PCDHGB4: variants seen among roughly 807,000 people sequenced by gnomAD.
PCDHGB4 encodes protocadherin gamma-B4.
In PCDHGB4, 38 loss-of-function variants were observed where a neutral mutation model predicts 60.5. The ratio of observed to expected loss-of-function variants is 0.63; its 90% CI spans 0.48 to 0.82. PCDHGB4 has a LOEUF of 0.82. PCDHGB4 is among the 40% of genes least tolerant of loss of function. The probability of loss-of-function intolerance (pLI) is 0.00; values close to 1 mark genes in which losing one functional copy is unlikely to be tolerated. For synonymous variants in PCDHGB4, 456 were observed against 509.7 expected (o/e 0.89, Z 1.42); for missense variants, 1,109 against 1,209.6 (o/e 0.92, Z 1.23).
At chr5:141,408,052 C>G in intron 1 of PCDHGB4, 1 of 1,283,102 alleles carries the variant, frequency 7.8e-7, no homozygotes, top group Non-Finnish European at 1.0e-6. Flanking sequence ...CACACAGAGC[C>G]TCCCGGCTGC....
intron 1 of PCDHGB4, chr5:141,405,510 C>T: frequency 1.4e-6 from 1 of 732,922 alleles, no homozygotes; most frequent in Non-Finnish European, 2.2e-6. Context: ...ACCTCCGCCT[C>T]CCAAATTCAA....
At chr5:141,390,432 C>A in intron 1 of PCDHGB4, 151 bp downstream of exon 1, 2 of 985,350 alleles carry the variant, frequency 2.0e-6, no homozygotes, top group Admixed American at 2.8e-5. Context: ...GCTGTCATAT[C>A]ATTCTACAAA....
rs2099629299 is a variant in PCDHGB4, at chr5:141,486,426, A to G, written c.2398-8381A>G. ...GCTGGACCCTTGGATCGAGAGGCCA[A>G]ATCTAGCTATGACATCATGGTCACT... On this transcript the variant is annotated intron_variant, in intron 1 of 3. Transcript: ENST00000519479. The surrounding 1 kb of genome is among the most constrained non-coding windows in gnomAD (Gnocchi z 5.0). 1.9e-6 allele frequency: 3 copies of G among 1,614,190 alleles called. No individual in the cohort carries two copies. Among genetic ancestry groups the G allele is most frequent in the Non-Finnish European group, 2.5e-6 (3 of 1,180,026 alleles).
chr5:141,389,265 G>T lies in PCDHGB4; in HGVS notation c.1381G>T (p.Glu461Ter). 6.2e-7 allele frequency: 1 copy of T among 1,614,004 alleles called. No individual in the cohort carries two copies. Among genetic ancestry groups the T allele is most frequent in the Non-Finnish European group, 8.5e-7 (1 of 1,179,898 alleles). ...SQSSYIVHVA[E>*]NNPPGASISQ... ...GTCTTCCTATATAGTCCACGTGGCC[G>T]AGAACAACCCGCCTGGAGCCTCTAT... The change falls in exon 1 of 4, where the codon GAG becomes TAG. Residue 461 changes from glutamate to a stop codon, truncating the protein, a stop_gained. Coordinates refer to ENST00000519479, the MANE Select transcript of PCDHGB4 (RefSeq NM_003736.4). LOFTEE classifies it high-confidence loss of function.
At chr5:141,408,177 G>C (rs1359754385) in intron 1 of PCDHGB4, 3 of 1,534,464 alleles carry the variant, frequency 2.0e-6, no homozygotes, top group Non-Finnish European at 2.6e-6. Context: ...GGAAAAGCGG[G>C]GACCCAGCGA....
intron 1 of PCDHGB4, chr5:141,413,694 C>G (rs2095667651): frequency 1.2e-6 from 2 of 1,613,800 alleles, no homozygotes; most frequent in East Asian, 4.5e-5. Context: ...CCCTGCAGAG[C>G]TATCAGCTCA....
intron 1 of PCDHGB4, chr5:141,393,025 G>A (rs1307917992): frequency 6.2e-7 from 1 of 1,613,864 alleles, no homozygotes; most frequent in Non-Finnish European, 8.5e-7. Flanking sequence ...TCCAGAGGTA[G>A]GACGCAGCTC....
chr5:141,483,750 A>G (rs1453478545), intron 1 of PCDHGB4, among the ~76,000 whole-genome samples: 1 of 152,138 alleles, frequency 6.6e-6, no homozygotes, highest in African/African-American at 2.4e-5. Flanking sequence ...ATTCCTGAGG[A>G]TCGAGGCTTG....
intron 1 of PCDHGB4, among the ~76,000 whole-genome samples, chr5:141,437,052 T>A (rs986734485): frequency 6.6e-5 from 10 of 152,258 alleles, no homozygotes; most frequent in Non-Finnish European, 1.3e-4. Flanking sequence ...AGAAGGCTGG[T>A]GATCATTATT....
At chr5:141,421,880 G>C in intron 1 of PCDHGB4, 1 of 1,613,718 alleles carries the variant, frequency 6.2e-7, no homozygotes, top group Admixed American at 1.7e-5. Flanking sequence ...GCTTTAGATG[G>C]AGGCGATCCC....
Position 141,490,973 on chromosome 5 carries a change from G to A in PCDHGB4, c.2398-3834G>A, listed in dbSNP as rs774983500. 5.0e-6 allele frequency: 8 copies of A among 1,613,932 alleles called. No homozygotes were observed. The highest frequency in any genetic ancestry group is 2.2e-5 in the East Asian group (1 of 44,878). On this transcript the variant is annotated intron_variant, in intron 1 of 3. Transcript: ENST00000519479. The surrounding 1 kb of genome is among the most constrained non-coding windows in gnomAD (Gnocchi z 5.4). ...GACTGGGAACACTCAGCCCCCCAGC[G>A]TCTCCCTCGCTCTGCTCCTCCTGGC...
Position 141,486,058 on chromosome 5 carries a change from G to A in PCDHGB4, c.2398-8749G>A. On this transcript the variant is annotated intron_variant, in intron 1 of 3. Transcript: ENST00000519479. The surrounding 1 kb of genome is among the most constrained non-coding windows in gnomAD (Gnocchi z 5.0). The stretch of plus-strand genomic sequence containing the variant: ...ATCGTGTAAGAAACCTCTTTAGCCT[G>A]CACCCCACTACTGGAAAGCTTACTC... The A allele has an allele frequency of 6.2e-7, 1 of 1,614,122 alleles. No homozygotes were observed. The highest frequency in any genetic ancestry group is 8.5e-7 in the Non-Finnish European group (1 of 1,180,012).
Position 141,511,579 on chromosome 5 carries a change from G to T in PCDHGB4, c.*406G>T. The T allele has an allele frequency of 3.6e-6, 1 of 280,798 alleles. No individual in the cohort carries two copies. Among genetic ancestry groups the T allele is most frequent in the South Asian group, 4.1e-5 (1 of 24,614 alleles). 17.4% of individuals were successfully genotyped at this position (280,798 alleles called of 1,614,324 possible). On this transcript the variant is annotated 3_prime_UTR_variant, in exon 4 of 4. Transcript: ENST00000519479. Reference sequence around the variant, plus strand: ...CCTCTTTCCCGAGTAAGGTGGTTGGGGTGTTGAAGTACCAAGTAACCTACA... The same window carrying T: ...CCTCTTTCCCGAGTAAGGTGGTTGGTGTGTTGAAGTACCAAGTAACCTACA...
chr5:141,484,959 C>A, intron 1 of PCDHGB4: 2 of 575,576 alleles, frequency 3.5e-6, no homozygotes, highest in Non-Finnish European at 6.2e-6. Flanking sequence ...ATTGGCTGAG[C>A]CCGGGAGCCG....
In PCDHGB4 at chr5:141,491,908, G is replaced by T; in HGVS notation, c.2398-2899G>T. ...GGGGCTCCGAGCACCGGGGGTGGTG[G>T]CGACTGTGGGCGAGGGGAGGTGGGA... On this transcript the variant is annotated intron_variant, in intron 1 of 3. Transcript: ENST00000519479. The surrounding 1 kb of genome is among the most constrained non-coding windows in gnomAD (Gnocchi z 6.9). 7.1e-7 allele frequency: 1 copy of T among 1,408,288 alleles called. No homozygotes were observed. Among genetic ancestry groups the T allele is most frequent in the Non-Finnish European group, 9.4e-7 (1 of 1,060,836 alleles). The allele number at this position is 1,408,288 out of a possible 1,614,324, so 87.2% of individuals were successfully genotyped here. A position where few individuals can be genotyped will look rare whatever the true frequency, so the allele number is the denominator to read the frequency against.
At chr5:141,464,134 G>A (rs1270558696) in intron 1 of PCDHGB4, among the ~76,000 whole-genome samples, 1 of 151,944 alleles carries the variant, frequency 6.6e-6, no homozygotes, top group Admixed American at 6.6e-5. Context: ...GTGTGGTGGT[G>A]GGCGCCTGTA....
intron 1 of PCDHGB4, among the ~76,000 whole-genome samples, chr5:141,460,753 A>ATATACATATTGCATATGTATG (rs1435827019): frequency 4.6e-5 from 7 of 152,094 alleles, no homozygotes; most frequent in Non-Finnish European, 1.0e-4. Flanking sequence ...ATATGTGTAC[A>ATATACATATTGCATATGTATG]TATACATATT....
At position 141,476,923 on chromosome 5, in the gene PCDHGB4, G is replaced by A. The variant is rs368207814; in HGVS notation, c.2398-17884G>A. On this transcript the variant is annotated intron_variant, in intron 1 of 3. Transcript: ENST00000519479. This position sits in a 1 kb window ranked among gnomAD's most constrained non-coding sequence, Gnocchi z 7.6. ...CGCGCGTGGTACAAGTCCTTGCAAC[G>A]GATCTGGATGAAGGCCCCAACGGTG... The A allele has an allele frequency of 5.0e-6, 8 of 1,614,024 alleles. No individual in the cohort carries two copies. Among genetic ancestry groups the A allele is most frequent in the African/African-American group, 4.0e-5 (3 of 74,952 alleles).
chr5:141,393,303 G>A (rs1305361582), intron 1 of PCDHGB4: 5 of 1,613,646 alleles, frequency 3.1e-6, no homozygotes, highest in Non-Finnish European at 3.4e-6. Context: ...GGATGTGGGC[G>A]TGAACTCCCT....
Sources: gnomAD v4.1 joint callset for allele counts (sites outside exome capture counted in the v4.1 genomes callset) on GRCh38, gnomAD v4.1.1 for gene constraint, Gnocchi (gnomAD v3.1) non-coding constraint, MANE v1.5 for transcripts, NCBI Gene and HGNC (gene_info 2026-07-23, HGNC 2026-07-21) for gene names.